Variants in CARMIL1 observed in about 807,000 individuals in gnomAD.
CARMIL1 encodes F-actin-uncapping protein LRRC16A.
Under a neutral mutation model 177.1 loss-of-function variants are expected in CARMIL1, and 90 were observed. The observed-to-expected ratio is 0.51, with a 90% CI of 0.43 to 0.61. The LOEUF is 0.61. Ranked by LOEUF, CARMIL1 falls within the 20% of genes least tolerant of loss-of-function variation. The pLI is 0.00. For synonymous variants in CARMIL1, 577 were observed against 606.2 expected, an observed-to-expected ratio of 0.95 and a Z score of 0.71; for missense variants, 1,380 against 1,667.0, an observed-to-expected ratio of 0.83 and a Z score of 3.00.
At chr6:25,420,627 C>T (rs1394478128) in intron 3 of CARMIL1, among the ~76,000 whole-genome samples, 1 of 152,124 alleles carries the variant, frequency 6.6e-6, no homozygotes, top group Non-Finnish European at 1.5e-5. Context: ...TTCATAACTC[C>T]AAAGAATACA....
chr6:25,448,107 G>A (rs553763052), intron 5 of CARMIL1, among the ~76,000 whole-genome samples: 1 of 151,888 alleles, frequency 6.6e-6, no homozygotes, highest in Non-Finnish European at 1.5e-5. Flanking sequence ...GTCCTGGAAA[G>A]TTCTTTTTTA....
intron 2 of CARMIL1, among the ~76,000 whole-genome samples, chr6:25,304,034 G>A (rs778397368): frequency 1.3e-5 from 2 of 152,222 alleles, no homozygotes; most frequent in African/African-American, 2.4e-5. Context: ...GGTTGGGAAA[G>A]TTTCCTTAAA....
chr6:25,279,611 C>CTT lies in CARMIL1; in HGVS notation c.-172_-171dup, dbSNP rs56103864. On this transcript the variant is annotated 5_prime_UTR_variant, in exon 1 of 37. Coordinates refer to ENST00000329474, the MANE Select transcript of CARMIL1 (RefSeq NM_017640.6). ...GCAAATCCGCCTCGCATTTGCAACT[C>CTT]TTTTTTTTTTTTTTGGTGGGGCGGG... The CTT allele has an allele frequency of 8.6e-4, 461 of 533,592 alleles. No individual in the cohort carries two copies. Among genetic ancestry groups the CTT allele is most frequent in the Non-Finnish European group, 1.2e-3 (357 of 298,606 alleles). The allele number at this position is 533,592 out of a possible 1,614,324, so 33.1% of individuals were successfully genotyped here.
chr6:25,554,199 C>T lies in CARMIL1; in HGVS notation c.2592+103C>T, dbSNP rs1810404317. On this transcript the variant is annotated intron_variant, in intron 28 of 36. Coordinates refer to ENST00000329474, the MANE Select transcript of CARMIL1 (RefSeq NM_017640.6). The surrounding 1 kb of genome is among the most constrained non-coding windows in gnomAD (Gnocchi z 4.6). ...TGTGATTTCTTTTCTGTATTTCACA[C>T]TATTACAGCTTTATGGTTTGTGATC... 1.2e-6 allele frequency: 1 copy of T among 801,070 alleles called. No homozygotes were observed. The highest frequency in any genetic ancestry group is 1.7e-5 in the African/African-American group (1 of 58,532). 49.6% of individuals were successfully genotyped at this position (801,070 alleles called of 1,614,324 possible).
chr6:25,434,515 A>G (rs542073088), intron 4 of CARMIL1, among the ~76,000 whole-genome samples: 37 of 145,452 alleles, frequency 2.5e-4, no homozygotes, highest in African/African-American at 8.9e-4. Context: ...AAAGCTCAAA[A>G]CCATTTTTTT....
chr6:25,473,665 G>A (rs925573834), intron 11 of CARMIL1, among the ~76,000 whole-genome samples: 4 of 152,118 alleles, frequency 2.6e-5, no homozygotes, highest in Non-Finnish European at 4.4e-5. Flanking sequence ...ACACGGAAGT[G>A]GACCAGTGCA....
chr6:25,357,250 C>A (rs768861040), intron 2 of CARMIL1, among the ~76,000 whole-genome samples: 7 of 152,140 alleles, frequency 4.6e-5, no homozygotes, highest in Non-Finnish European at 1.0e-4. Flanking sequence ...TTTGAAAGCA[C>A]TTGAAATTTC....
At chr6:25,571,852 C>G (rs753861724) in intron 29 of CARMIL1, among the ~76,000 whole-genome samples, 13 of 151,978 alleles carry the variant, frequency 8.6e-5, no homozygotes, top group Non-Finnish European at 1.6e-4. Context: ...TCAAGAAAGT[C>G]ACTATTATGA....
At chr6:25,595,813 T>C (rs1814779881) in intron 32 of CARMIL1, among the ~76,000 whole-genome samples, 1 of 152,204 alleles carries the variant, frequency 6.6e-6, no homozygotes, top group South Asian at 2.1e-4. Flanking sequence ...AAATCGCTGT[T>C]AATGATTTGC....
At chr6:25,340,342 T>G (rs1210978927) in intron 2 of CARMIL1, among the ~76,000 whole-genome samples, 1 of 152,224 alleles carries the variant, frequency 6.6e-6, no homozygotes, top group Non-Finnish European at 1.5e-5. Context: ...TTAAAATGAT[T>G]GCTATTTTTG....
intron 29 of CARMIL1, 35 bp from the exon 30 acceptor site, chr6:25,580,889 C>T: frequency 2.7e-6 from 4 of 1,497,366 alleles, no homozygotes; most frequent in Non-Finnish European, 3.6e-6. Context: ...CTGTGGCTAC[C>T]TAAGTGTTTT....
At chr6:25,447,784 T>A (rs1798376559) in intron 5 of CARMIL1, among the ~76,000 whole-genome samples, 1 of 152,144 alleles carries the variant, frequency 6.6e-6, no homozygotes, top group South Asian at 2.1e-4. Context: ...TTGGACTTTT[T>A]CAAGGCCTCC....
intron 2 of CARMIL1, among the ~76,000 whole-genome samples, chr6:25,294,644 G>A (rs569406700): frequency 9.4e-4 from 143 of 152,262 alleles, no homozygotes; most frequent in Non-Finnish European, 1.6e-3. Context: ...TCCTATCCAT[G>A]AGTGCAGTTC....
At chr6:25,596,251 C>T (rs1473477977) in intron 32 of CARMIL1, among the ~76,000 whole-genome samples, 3 of 151,996 alleles carry the variant, frequency 2.0e-5, no homozygotes, top group Non-Finnish European at 2.9e-5. Flanking sequence ...GAAATAAATA[C>T]GTCAGTTTTC....
chr6:25,308,630 C>G (rs1012346870), intron 2 of CARMIL1, among the ~76,000 whole-genome samples: 26 of 152,050 alleles, frequency 1.7e-4, no homozygotes, highest in African/African-American at 5.5e-4. Flanking sequence ...ATCCACCTGC[C>G]TTGGCCTCCC....
intron 8 of CARMIL1, among the ~76,000 whole-genome samples, chr6:25,453,052 G>C (rs960273222): frequency 2.6e-5 from 4 of 152,092 alleles, no homozygotes; most frequent in African/African-American, 4.8e-5. Context: ...GAAAATATTG[G>C]TTCATTGAGT....
At chr6:25,356,106 G>A (rs954653314) in intron 2 of CARMIL1, among the ~76,000 whole-genome samples, 27 of 150,652 alleles carry the variant, frequency 1.8e-4, no homozygotes, top group Non-Finnish European at 2.9e-4. Context: ...GCCGGACTGC[G>A]GACTGCAGTG....
At chr6:25,320,383 T>C (rs1354458057) in intron 2 of CARMIL1, among the ~76,000 whole-genome samples, 1 of 152,232 alleles carries the variant, frequency 6.6e-6, no homozygotes, top group Non-Finnish European at 1.5e-5. Context: ...GGCTGAATAA[T>C]GTAACAGAGA....
chr6:25,468,004 C>G (rs1360405049), intron 9 of CARMIL1, among the ~76,000 whole-genome samples: 3 of 152,048 alleles, frequency 2.0e-5, no homozygotes, highest in Admixed American at 2.0e-4. Context: ...AGAAGCACAT[C>G]TTTGGATTTT....
Sources: allele counts gnomAD v4.1 joint callset (sites outside exome capture counted in the v4.1 genomes callset), GRCh38; gene constraint gnomAD v4.1.1; non-coding constraint Gnocchi (gnomAD v3.1); transcripts MANE v1.5; gene names NCBI Gene and HGNC (gene_info 2026-07-23, HGNC 2026-07-21).